ADORA2B: variants seen among roughly 807,000 people sequenced by gnomAD.
The protein encoded by ADORA2B is adenosine receptor A2b.
ADORA2B carries 18 observed loss-of-function variants against 20.8 expected under a neutral mutation model. The observed-to-expected ratio is 0.87, with a 90% CI of 0.60 to 1.29. The LOEUF (loss-of-function observed/expected upper bound fraction) is 1.29, where lower values mean the gene tolerates loss of function less well. Ranked by LOEUF, ADORA2B falls within the 50% of genes most tolerant of loss-of-function variation. The pLI is 0.00. For synonymous variants in ADORA2B, 179 were observed against 178.3 expected (o/e 1.00, Z -0.03); for missense variants, 441 against 422.7 (o/e 1.04, Z -0.38).
At chr17:15,912,376 T>C in the ADORA2B span, among the ~76,000 whole-genome samples, 9 of 136,956 alleles carry the variant, frequency 6.6e-5, no homozygotes, top group African/African-American at 2.7e-4. Context: ...GGAGACCCTG[T>C]ATCAAATTAA....
chr17:15,938,254 G>T, the ADORA2B span, among the ~76,000 whole-genome samples: 1 of 152,092 alleles, frequency 6.6e-6, no homozygotes. Context: ...AAGGAAAAGA[G>T]ATTTATCAAA....
chr17:15,876,716 TC>T, the ADORA2B span, among the ~76,000 whole-genome samples: 1 of 152,198 alleles, frequency 6.6e-6, no homozygotes, highest in East Asian at 1.9e-4. Context: ...ATTTCTGCTA[TC>T]TTTTTTTTGT....
chr17:15,967,771 A>G (rs1322409196), intron 1 of ADORA2B, among the ~76,000 whole-genome samples: 1 of 152,250 alleles, frequency 6.6e-6, no homozygotes. Flanking sequence ...ACCATCCTTC[A>G]GGAACCTCCA....
chr17:15,945,559 A>C lies in ADORA2B; in HGVS notation c.311A>C (p.Tyr104Ser). 6.4e-7 allele frequency: 1 copy of C among 1,572,322 alleles called. No homozygotes were observed. Among genetic ancestry groups the C allele is most frequent in the Non-Finnish European group, 8.6e-7 (1 of 1,163,110 alleles). Reference sequence around the variant, plus strand: ...CTTCTGGCCGTGGCAGTCGACAGATACCTGGCCATCTGTGTCCCGCTCAGG... The same window carrying C: ...CTTCTGGCCGTGGCAGTCGACAGATCCCTGGCCATCTGTGTCCCGCTCAGG... Reference protein sequence around the residue: ...FSLLAVAVDRYLAICVPLRYK... With the variant: ...FSLLAVAVDRSLAICVPLRYK... The change falls in exon 1 of 2, where the codon TAC becomes TCC. Residue 104 changes from tyrosine to serine, a missense_variant. Tyr to Ser is a moderately radical substitution (Grantham distance 144). Transcript: ENST00000304222.
chr17:15,887,066 A>G, the ADORA2B span, among the ~76,000 whole-genome samples: 55 of 130,676 alleles, frequency 4.2e-4, 7 homozygotes, highest in East Asian at 0.011. Flanking sequence ...TGTCTGTCAA[A>G]TGAAAACAGA....
At chr17:15,867,506 C>T in the ADORA2B span, among the ~76,000 whole-genome samples, 5 of 149,004 alleles carry the variant, frequency 3.4e-5, no homozygotes, top group Admixed American at 6.6e-5. Context: ...CCCCTCTGCC[C>T]GGCGGCCACT....
the ADORA2B span, among the ~76,000 whole-genome samples, chr17:15,919,820 C>A: frequency 1.3e-5 from 2 of 152,144 alleles, no homozygotes; most frequent in Non-Finnish European, 2.9e-5. Context: ...ATGGAAAAGA[C>A]CCACTTTCTC....
At chr17:15,870,910 A>T in the ADORA2B span, among the ~76,000 whole-genome samples, 3 of 152,006 alleles carry the variant, frequency 2.0e-5, no homozygotes, top group African/African-American at 7.3e-5. Flanking sequence ...GTGGGCTTCC[A>T]CTCTATTGAG....
the ADORA2B span, among the ~76,000 whole-genome samples, chr17:15,879,802 G>T: frequency 6.7e-6 from 1 of 150,116 alleles, no homozygotes; most frequent in African/African-American, 2.5e-5. Context: ...CTCCCAAGGT[G>T]CTGGGTTTAC....
the ADORA2B span, among the ~76,000 whole-genome samples, chr17:15,912,730 C>T: frequency 3.9e-5 from 6 of 152,220 alleles, no homozygotes; most frequent in African/African-American, 7.2e-5. Flanking sequence ...CAAACACGCA[C>T]GCACACATGG....
chr17:15,964,572 G>A (rs1183393557), intron 1 of ADORA2B, among the ~76,000 whole-genome samples: 1 of 145,322 alleles, frequency 6.9e-6, no homozygotes, highest in African/African-American at 2.6e-5. Context: ...TCATGACACT[G>A]CACCTTCATT....
chr17:15,974,657 C>G (rs759995424), intron 1 of ADORA2B, 22 bp from the exon 2 acceptor site: 1 of 1,601,126 alleles, frequency 6.2e-7, no homozygotes, highest in Non-Finnish European at 8.5e-7. Context: ...CTGACCGTAA[C>G]AGATGGTATT....
At chr17:15,885,723 A>AAC in the ADORA2B span, among the ~76,000 whole-genome samples, 1 of 152,004 alleles carries the variant, frequency 6.6e-6, no homozygotes, top group East Asian at 1.9e-4. Context: ...CAAAAAAAAA[A>AAC]AACAAAAAAA....
At chr17:15,852,623 T>C in the ADORA2B span, among the ~76,000 whole-genome samples, 1 of 151,804 alleles carries the variant, frequency 6.6e-6, no homozygotes, top group Non-Finnish European at 1.5e-5. Flanking sequence ...ATTAATCCAG[T>C]AAAGAAAATA....
At chr17:15,908,117 C>T in the ADORA2B span, among the ~76,000 whole-genome samples, 2 of 152,044 alleles carry the variant, frequency 1.3e-5, no homozygotes, top group Non-Finnish European at 2.9e-5. Context: ...TTGCTCTGTC[C>T]ACCCAGAGCA....
the ADORA2B span, among the ~76,000 whole-genome samples, chr17:15,915,723 G>A: frequency 1.3e-5 from 2 of 152,180 alleles, no homozygotes; most frequent in African/African-American, 4.8e-5. Flanking sequence ...GGCCAGTGGT[G>A]ATGTTCAAAG....
At chr17:15,865,572 G>C in the ADORA2B span, among the ~76,000 whole-genome samples, 1 of 152,094 alleles carries the variant, frequency 6.6e-6, no homozygotes, top group Non-Finnish European at 1.5e-5. Context: ...TCAAATGATA[G>C]TCTCTTGAAC....
the ADORA2B span, chr17:15,864,034 C>CAT: frequency 4.8e-6 from 1 of 209,480 alleles, no homozygotes; most frequent in African/African-American, 2.3e-5. Flanking sequence ...TTCTCCTTAA[C>CAT]GTGCTCTTCT....
chr17:15,962,135 T>G (rs1422483151), intron 1 of ADORA2B, among the ~76,000 whole-genome samples: 2 of 152,132 alleles, frequency 1.3e-5, no homozygotes, highest in Non-Finnish European at 2.9e-5. Flanking sequence ...AAACCCCATC[T>G]CTACTAAAAT....
Sources: allele counts gnomAD v4.1 joint callset (sites outside exome capture counted in the v4.1 genomes callset), GRCh38; gene constraint gnomAD v4.1.1; transcripts MANE v1.5; gene names NCBI Gene and HGNC (gene_info 2026-07-23, HGNC 2026-07-21).